ELF1: variants seen among roughly 807,000 people sequenced by gnomAD.
The protein encoded by ELF1 is ETS-related transcription factor Elf-1.
A neutral mutation model predicts 59.9 loss-of-function variants in ELF1; 24 were observed. The ratio of observed to expected loss-of-function variants is 0.40; its 90% CI spans 0.29 to 0.56. ELF1 has a LOEUF of 0.56. Among genes scored for constraint, ELF1 ranks in the 20% least tolerant of loss-of-function variants. The pLI, the probability that ELF1 is intolerant of heterozygous loss-of-function variation, is 0.44. For synonymous variants in ELF1, 248 were observed against 266.2 expected (o/e 0.93, Z 0.67); for missense variants, 627 against 742.2 (o/e 0.84, Z 1.80).
intron 1 of ELF1, among the ~76,000 whole-genome samples, chr13:41,002,009 C>T (rs975596171): frequency 2.0e-5 from 3 of 152,112 alleles, no homozygotes; most frequent in African/African-American, 4.8e-5. Context: ...GAGAATGTGA[C>T]GTCTCCTACA....
At chr13:40,937,066 A>G (rs1042359780) in intron 8 of ELF1, among the ~76,000 whole-genome samples, 6 of 152,244 alleles carry the variant, frequency 3.9e-5, no homozygotes, top group Non-Finnish European at 8.8e-5. Flanking sequence ...AAATTCTAAA[A>G]CAATTTTCAA....
intron 2 of ELF1, among the ~76,000 whole-genome samples, chr13:40,964,913 T>A (rs1388525739): frequency 6.6e-6 from 1 of 152,102 alleles, no homozygotes; most frequent in Non-Finnish European, 1.5e-5. Context: ...CTTTACTAAT[T>A]ACATCTGCCA....
intron 3 of ELF1, among the ~76,000 whole-genome samples, chr13:40,955,869 C>T: frequency 8.1e-6 from 1 of 123,868 alleles, no homozygotes; most frequent in African/African-American, 3.3e-5. Flanking sequence ...AGCCCCTCCG[C>T]CCGGCCAGCC....
At chr13:41,044,662 T>A (rs979050028) in intron 1 of ELF1, among the ~76,000 whole-genome samples, 13 of 152,236 alleles carry the variant, frequency 8.5e-5, no homozygotes, top group Non-Finnish European at 1.8e-4. Context: ...TCATGGTGGA[T>A]AAGCTTTTTG....
chr13:41,023,403 G>A (rs1799440991), upstream of ELF1, among the ~76,000 whole-genome samples: 1 of 152,172 alleles, frequency 6.6e-6, no homozygotes, highest in Admixed American at 6.5e-5. Flanking sequence ...GATGGAAAAA[G>A]AAAAGATCAC....
At chr13:40,955,396 C>A (rs1244131615) in intron 3 of ELF1, among the ~76,000 whole-genome samples, 2 of 141,812 alleles carry the variant, frequency 1.4e-5, no homozygotes, top group Non-Finnish European at 3.1e-5. Flanking sequence ...CCCTGCCCGG[C>A]CAGCTGCCCA....
intron 1 of ELF1, among the ~76,000 whole-genome samples, chr13:41,001,451 T>C (rs930160817): frequency 3.3e-5 from 5 of 151,968 alleles, no homozygotes; most frequent in Admixed American, 2.6e-4. Flanking sequence ...ACCACATCCA[T>C]ATTTTGTGGA....
intron 8 of ELF1, among the ~76,000 whole-genome samples, chr13:40,940,263 C>T (rs1215079260): frequency 6.7e-6 from 1 of 148,830 alleles, no homozygotes; most frequent in East Asian, 1.9e-4. Context: ...CCCATACTCC[C>T]ATTCTAAGTC....
At chr13:41,036,680 G>A (rs188930551) in intron 1 of ELF1, among the ~76,000 whole-genome samples, 1 of 152,132 alleles carries the variant, frequency 6.6e-6, no homozygotes, top group Non-Finnish European at 1.5e-5. Context: ...CACTATTCAC[G>A]ATAGCAAAGA....
intron 3 of ELF1, among the ~76,000 whole-genome samples, chr13:40,955,334 G>GC (rs1406913033): frequency 6.9e-6 from 1 of 144,694 alleles, no homozygotes; most frequent in African/African-American, 2.6e-5. Flanking sequence ...GGGGGGGTTA[G>GC]CCCCCCACCC....
At chr13:41,038,037 A>C (rs1876455155) in intron 1 of ELF1, among the ~76,000 whole-genome samples, 1 of 151,062 alleles carries the variant, frequency 6.6e-6, no homozygotes, top group Non-Finnish European at 1.5e-5. Flanking sequence ...CACCCAAAGA[A>C]AGACTATGTT....
chr13:40,958,977 G>T lies in ELF1; in HGVS notation c.112C>A (p.His38Asn). 1 of 1,613,048 alleles carries T rather than the reference G, an allele frequency of 6.2e-7. No individual in the cohort carries two copies. Among genetic ancestry groups the T allele is most frequent in the Non-Finnish European group, 8.5e-7 (1 of 1,179,554 alleles). Residue 38 changes from histidine to asparagine, a missense_variant, in exon 3 of 9, where the codon CAT (histidine) becomes AAT (asparagine). Coordinates refer to ENST00000239882, the MANE Select transcript of ELF1 (RefSeq NM_172373.4). ...TTGAGAATATCAGCACCAGGAACAT[G>T]TTCCACAATTACGGCAGGAAAAATA... ...PAIFPAVIVE[H>N]VPGADILNSY... is the part of the protein sequence containing the mutation.
chr13:40,979,760 T>C (rs1453640669), intron 2 of ELF1, among the ~76,000 whole-genome samples: 1 of 152,220 alleles, frequency 6.6e-6, no homozygotes, highest in Non-Finnish European at 1.5e-5. Context: ...TGTATGTTCA[T>C]TTGTTCAGAC....
chr13:40,970,865 C>CT (rs1304508519), intron 2 of ELF1, among the ~76,000 whole-genome samples: 12 of 152,312 alleles, frequency 7.9e-5, no homozygotes, highest in Middle Eastern at 3.4e-3. Flanking sequence ...TCTCTAGTCT[C>CT]TGTCTTTGGG....
chr13:40,953,209 C>T (rs1470097136), intron 3 of ELF1, among the ~76,000 whole-genome samples: 2 of 152,138 alleles, frequency 1.3e-5, no homozygotes, highest in Admixed American at 6.5e-5. Context: ...CTCCCGACCT[C>T]AGGTGATCTG....
chr13:41,058,600 T>C (rs1013952943), intron 1 of ELF1, among the ~76,000 whole-genome samples: 1 of 152,234 alleles, frequency 6.6e-6, no homozygotes, highest in Non-Finnish European at 1.5e-5. Context: ...AGTACAACTA[T>C]TTGCAATTAC....
intron 1 of ELF1, among the ~76,000 whole-genome samples, chr13:41,037,294 A>T (rs1284037477): frequency 6.6e-6 from 1 of 152,200 alleles, no homozygotes; most frequent in East Asian, 1.9e-4. Flanking sequence ...AAGATGGGTC[A>T]GCCTAGATCT....
At chr13:41,027,749 G>A (rs1191405443) in intron 1 of ELF1, among the ~76,000 whole-genome samples, 1 of 152,176 alleles carries the variant, frequency 6.6e-6, no homozygotes, top group African/African-American at 2.4e-5. Context: ...TTCTGACCAT[G>A]GAACTTATCT....
At chr13:41,060,232 G>A (rs999719280) in intron 1 of ELF1, among the ~76,000 whole-genome samples, 1 of 152,196 alleles carries the variant, frequency 6.6e-6, no homozygotes, top group Admixed American at 6.5e-5. Context: ...GTGTTCCGTG[G>A]GGCCTCGTAA....
Sources: gnomAD v4.1 joint callset for allele counts (sites outside exome capture counted in the v4.1 genomes callset) on GRCh38, gnomAD v4.1.1 for gene constraint, MANE v1.5 for transcripts, NCBI Gene and HGNC (gene_info 2026-07-23, HGNC 2026-07-21) for gene names.